Variants in MMD2 observed in about 807,000 individuals in gnomAD.
The protein encoded by MMD2 is monocyte to macrophage differentiation associated 2.
Under a neutral mutation model 33.5 loss-of-function variants are expected in MMD2, and 30 were observed. The ratio of observed to expected loss-of-function variants is 0.90; its 90% CI spans 0.67 to 1.22. The LOEUF (loss-of-function observed/expected upper bound fraction) is 1.22. Ranked by LOEUF, MMD2 falls within the 50% of genes most tolerant of loss-of-function variation. The probability of loss-of-function intolerance (pLI) is 0.00; values close to 1 mark genes in which losing one functional copy is unlikely to be tolerated. For missense variants in MMD2, 364 were observed against 325.4 expected, an observed-to-expected ratio of 1.12 and a Z score of -0.91; for synonymous variants, 129 against 123.0, an observed-to-expected ratio of 1.05 and a Z score of -0.32.
intron 1 of MMD2, among the ~76,000 whole-genome samples, chr7:4,951,891 T>C (rs1786253925): frequency 6.6e-6 from 1 of 152,176 alleles, no homozygotes; most frequent in African/African-American, 2.4e-5. Context: ...CGTGCTACCA[T>C]GCCCAGCTAA....
chr7:4,896,291 G>A, the MMD2 span, among the ~76,000 whole-genome samples: 19 of 152,060 alleles, frequency 1.2e-4, no homozygotes, highest in African/African-American at 4.6e-4. Context: ...ACCAGCCTGG[G>A]CAACATGGTG....
intron 2 of MMD2, among the ~76,000 whole-genome samples, chr7:4,923,441 G>C (rs1420941662): frequency 6.6e-6 from 1 of 152,116 alleles, no homozygotes; most frequent in Non-Finnish European, 1.5e-5. Context: ...TGCTGTCAAA[G>C]AAACACACTT....
intron 1 of MMD2, among the ~76,000 whole-genome samples, chr7:4,952,019 A>G (rs1490163457): frequency 3.9e-5 from 6 of 152,182 alleles, no homozygotes; most frequent in Non-Finnish European, 2.9e-5. Context: ...TACAGGCTTG[A>G]GCCATCATGC....
chr7:4,907,605 G>A lies in MMD2; in HGVS notation c.538-6C>T, dbSNP rs375134339. 3.2e-4 allele frequency: 510 copies of A among 1,611,838 alleles called. No individual in the cohort carries two copies. Among genetic ancestry groups the A allele is most frequent in the Non-Finnish European group, 4.0e-4 (470 of 1,179,720 alleles). The stretch of plus-strand genomic sequence containing the variant: ...CAGATGCCCTCGGTGTTGGGCTGTC[G>A]GCAAGGACAAGGGTGGGGCACAGGT... On this transcript the variant is annotated splice_region_variant and splice_polypyrimidine_tract_variant and intron_variant, in intron 6 of 6. Coordinates refer to ENST00000401401, the MANE Select transcript of MMD2 (RefSeq NM_198403.4).
intron 3 of MMD2, among the ~76,000 whole-genome samples, chr7:4,919,960 G>A (rs774712186): frequency 5.9e-5 from 9 of 152,188 alleles, no homozygotes; most frequent in Admixed American, 1.3e-4. Flanking sequence ...GAGGTGGTCC[G>A]CCCTGAAGAG....
chr7:4,911,591 C>CTGTTT (rs1398021153), intron 4 of MMD2, among the ~76,000 whole-genome samples: 2 of 76,224 alleles, frequency 2.6e-5, no homozygotes, highest in Non-Finnish European at 4.5e-5. Context: ...CAAAGCAATG[C>CTGTTT]TGTTTTGTTT....
In MMD2 at chr7:4,909,600, T is replaced by C. The variant is rs188033404; in HGVS notation, c.537+281A>G. On this transcript the variant is annotated intron_variant, in intron 6 of 6. Coordinates refer to ENST00000401401, the MANE Select transcript of MMD2 (RefSeq NM_198403.4). ...TGAGACTATAGGTGTGCACCACATC[T>C]GGCTAATTTTTTTTTTTTTAGAGAT... The C allele has an allele frequency of 6.8e-3, 4,252 of 629,482 alleles. 27 individuals are homozygous for C. The highest frequency in any genetic ancestry group is 9.4e-3 in the Non-Finnish European group (3,308 of 350,668). The allele number at this position is 629,482 out of a possible 1,614,324, so 39.0% of individuals were successfully genotyped here. A position where few individuals can be genotyped will look rare whatever the true frequency, so the allele number is the denominator to read the frequency against.
chr7:4,897,000 C>T, the MMD2 span, among the ~76,000 whole-genome samples: 323 of 152,102 alleles, frequency 2.1e-3, 1 homozygote, highest in Admixed American at 3.9e-3. Flanking sequence ...GCTGGGATTA[C>T]AGGCACCCAC....
intron 2 of MMD2, among the ~76,000 whole-genome samples, chr7:4,923,007 G>GGCC (rs1785326675): frequency 6.6e-6 from 1 of 152,050 alleles, no homozygotes; most frequent in Non-Finnish European, 1.5e-5. Context: ...TATGCCTTGT[G>GGCC]TTTATAGCAT....
chr7:4,942,558 C>A (rs1426915983), intron 1 of MMD2, among the ~76,000 whole-genome samples: 1 of 151,724 alleles, frequency 6.6e-6, no homozygotes, highest in Non-Finnish European at 1.5e-5. Flanking sequence ...ATGAGCCATA[C>A]ACCCGGCCCT....
intron 2 of MMD2, among the ~76,000 whole-genome samples, chr7:4,923,941 C>T (rs982583477): frequency 3.3e-5 from 5 of 151,990 alleles, no homozygotes; most frequent in African/African-American, 1.2e-4. Context: ...ACCTGTAATC[C>T]CAGCCCTATG....
At chr7:4,945,812 T>C (rs1259880395) in intron 1 of MMD2, among the ~76,000 whole-genome samples, 1 of 152,166 alleles carries the variant, frequency 6.6e-6, no homozygotes, top group Non-Finnish European at 1.5e-5. Context: ...TGAGCTCAAG[T>C]GATCCTCCCG....
intron 1 of MMD2, among the ~76,000 whole-genome samples, chr7:4,926,210 G>A (rs560415150): frequency 2.0e-5 from 3 of 151,900 alleles, no homozygotes; most frequent in Non-Finnish European, 4.4e-5. Flanking sequence ...TGATCCTCCC[G>A]CCTCAGCCTC....
At chr7:4,910,615 G>A (rs969481450) in intron 5 of MMD2, among the ~76,000 whole-genome samples, 9 of 151,802 alleles carry the variant, frequency 5.9e-5, no homozygotes, top group South Asian at 2.1e-4. Flanking sequence ...ATGGGGCTAG[G>A]AACCTATGTT....
downstream of MMD2, among the ~76,000 whole-genome samples, chr7:4,905,832 G>A (rs1454666844): frequency 6.6e-6 from 1 of 152,154 alleles, no homozygotes; most frequent in African/African-American, 2.4e-5. This position sits in a 1 kb window ranked among gnomAD's most constrained non-coding sequence, Gnocchi z 5.0. Context: ...CAGGCTTACC[G>A]AAGACAGCTT....
intron 1 of MMD2, among the ~76,000 whole-genome samples, chr7:4,949,694 T>C (rs1786187399): frequency 6.6e-6 from 1 of 152,030 alleles, no homozygotes; most frequent in South Asian, 2.1e-4. Flanking sequence ...GTATTTTTTG[T>C]AGAGACGGGG....
In MMD2 at chr7:4,909,720, C is replaced by A. The variant is rs544511472; in HGVS notation, c.537+161G>T. ...CAAAGGACTGGATTATAGGCATGAG[C>A]CACTGTACCTGGCCTACTGCCTCTT... is the stretch of plus-strand genomic sequence containing the variant. On this transcript the variant is annotated intron_variant, in intron 6 of 6. Coordinates refer to ENST00000401401, the MANE Select transcript of MMD2 (RefSeq NM_198403.4). 13 of 924,928 alleles carry A rather than the reference C, an allele frequency of 1.4e-5. No individual in the cohort carries two copies. The East Asian group carries it at 2.9e-4, about 21-fold the overall frequency. The allele number at this position is 924,928 out of a possible 1,614,324, so 57.3% of individuals were successfully genotyped here.
chr7:4,937,919 G>T (rs932658964), intron 1 of MMD2, among the ~76,000 whole-genome samples: 2 of 148,902 alleles, frequency 1.3e-5, no homozygotes, highest in African/African-American at 5.0e-5. Flanking sequence ...AAAGCACTGA[G>T]ATTACAGGCA....
chr7:4,930,064 T>C (rs997310730), intron 1 of MMD2, among the ~76,000 whole-genome samples: 1 of 141,786 alleles, frequency 7.1e-6, no homozygotes, highest in African/African-American at 2.6e-5. Flanking sequence ...GGTCAGGAGA[T>C]CTAGACCATC....
Sources: allele counts gnomAD v4.1 joint callset (sites outside exome capture counted in the v4.1 genomes callset), GRCh38; gene constraint gnomAD v4.1.1; non-coding constraint Gnocchi (gnomAD v3.1); transcripts MANE v1.5; gene names NCBI Gene and HGNC (gene_info 2026-07-23, HGNC 2026-07-21).